The following TTC27 variants were observed in gnomAD, a reference collection of about 807,000 sequenced individuals.
TTC27 encodes tetratricopeptide repeat domain 27.
A neutral mutation model predicts 115.9 loss-of-function variants in TTC27; 79 were observed. The observed-to-expected ratio is 0.68, with a 90% CI of 0.57 to 0.82. The LOEUF (loss-of-function observed/expected upper bound fraction) is 0.82, where lower values mean the gene tolerates loss of function less well. Among genes scored for constraint, TTC27 ranks in the 40% least tolerant of loss-of-function variants. The pLI is 0.00. For missense variants in TTC27, 1,054 were observed against 993.1 expected (o/e 1.06, Z -0.82); for synonymous variants, 401 against 356.0 (o/e 1.13, Z -1.42).
chr2:32,766,085 T>A (rs1041449020), intron 13 of TTC27, among the ~76,000 whole-genome samples: 3 of 152,252 alleles, frequency 2.0e-5, no homozygotes, highest in Non-Finnish European at 4.4e-5. Flanking sequence ...TGGTTAACAG[T>A]TTGGTACAGG....
intron 18 of TTC27, among the ~76,000 whole-genome samples, chr2:32,816,334 G>C (rs774536491): frequency 6.6e-6 from 1 of 151,252 alleles, no homozygotes; most frequent in African/African-American, 2.4e-5. Flanking sequence ...AAAAAAAATT[G>C]ATTTTCTATC....
intron 9 of TTC27, among the ~76,000 whole-genome samples, chr2:32,685,469 T>C (rs1666597917): frequency 6.6e-6 from 1 of 152,206 alleles, no homozygotes; most frequent in Non-Finnish European, 1.5e-5. Flanking sequence ...TGGACTTTAA[T>C]TTCCATTGTC....
At chr2:32,684,337 G>T (rs1273800489) in intron 9 of TTC27, among the ~76,000 whole-genome samples, 1 of 151,810 alleles carries the variant, frequency 6.6e-6, no homozygotes, top group Non-Finnish European at 1.5e-5. Flanking sequence ...TTGGACATTT[G>T]GGTTGGTTCC....
intron 9 of TTC27, among the ~76,000 whole-genome samples, chr2:32,688,785 A>G (rs2151893893): frequency 6.6e-6 from 1 of 152,284 alleles, no homozygotes; most frequent in Middle Eastern, 3.4e-3. Context: ...TGCTGGTGGT[A>G]ATGCAAAATG....
intron 7 of TTC27, among the ~76,000 whole-genome samples, chr2:32,670,806 C>T (rs575702345): frequency 1.1e-3 from 165 of 151,386 alleles, no homozygotes; most frequent in African/African-American, 3.8e-3. Flanking sequence ...TTGGTAGAGA[C>T]GGGGTTTTTG....
intron 10 of TTC27, among the ~76,000 whole-genome samples, chr2:32,717,570 T>C (rs528520481): frequency 6.6e-6 from 1 of 152,286 alleles, no homozygotes; most frequent in South Asian, 2.1e-4. Flanking sequence ...TATTGCCTCA[T>C]TGTGTAACTT....
At chr2:32,656,535 G>T (rs1665327031) in intron 5 of TTC27, among the ~76,000 whole-genome samples, 1 of 152,178 alleles carries the variant, frequency 6.6e-6, no homozygotes, top group South Asian at 2.1e-4. Context: ...CTCAGCTGAT[G>T]AGGTTTACAG....
At chr2:32,699,925 C>G (rs146005514) in intron 9 of TTC27, among the ~76,000 whole-genome samples, 1 of 152,176 alleles carries the variant, frequency 6.6e-6, no homozygotes, top group Non-Finnish European at 1.5e-5. Flanking sequence ...TCTTTGTTAT[C>G]TAAGGAAGAT....
At chr2:32,751,917 A>T (rs1168901651) in intron 12 of TTC27, among the ~76,000 whole-genome samples, 1 of 152,094 alleles carries the variant, frequency 6.6e-6, no homozygotes, top group Non-Finnish European at 1.5e-5. Context: ...CAAACCTAGA[A>T]ATTTTTTTCT....
At chr2:32,689,758 T>C (rs1666752097) in intron 9 of TTC27, among the ~76,000 whole-genome samples, 1 of 152,076 alleles carries the variant, frequency 6.6e-6, no homozygotes, top group African/African-American at 2.4e-5. Context: ...AAATAACAAA[T>C]AGAAAGATAG....
intron 15 of TTC27, among the ~76,000 whole-genome samples, chr2:32,783,644 T>C (rs1237102626): frequency 6.6e-6 from 1 of 152,212 alleles, no homozygotes; most frequent in African/African-American, 2.4e-5. Context: ...TAGAGGAAAC[T>C]GCAGGCTGGG....
At chr2:32,737,218 C>T (rs111962292) in intron 12 of TTC27, among the ~76,000 whole-genome samples, 7 of 152,106 alleles carry the variant, frequency 4.6e-5, no homozygotes, top group Non-Finnish European at 7.4e-5. Flanking sequence ...AAGGGTGTGA[C>T]GACACCTCTT....
chr2:32,715,258 A>G (rs1667716273), intron 10 of TTC27, among the ~76,000 whole-genome samples: 1 of 152,110 alleles, frequency 6.6e-6, no homozygotes, highest in South Asian at 2.1e-4. Flanking sequence ...CATATGGGGT[A>G]AGAAAGGGGT....
chr2:32,648,090 T>C (rs887381092), intron 4 of TTC27, among the ~76,000 whole-genome samples: 1 of 152,080 alleles, frequency 6.6e-6, no homozygotes, highest in African/African-American at 2.4e-5. Flanking sequence ...AGGAGGATGA[T>C]ATTGGGGCTG....
intron 3 of TTC27, 57 bp downstream of exon 3, chr2:32,634,062 G>A: frequency 1.2e-5 from 18 of 1,549,082 alleles, no homozygotes; most frequent in Non-Finnish European, 1.6e-5. Flanking sequence ...TTTTTTATAA[G>A]CAGGTCTTTA....
At chr2:32,749,334 G>A (rs770310052) in intron 12 of TTC27, among the ~76,000 whole-genome samples, 11 of 152,136 alleles carry the variant, frequency 7.2e-5, no homozygotes, top group Admixed American at 5.9e-4. Context: ...AGCTTTAAAG[G>A]TGTTTCAAAC....
In TTC27 at chr2:32,682,668, CTTTTT is replaced by C. The variant is rs3077159; in HGVS notation, c.1119+3759_1119+3763del. Among the ~76,000 whole-genome samples, 93 of 127,528 alleles carry C rather than the reference CTTTTT, an allele frequency of 7.3e-4. No homozygotes were observed. In the East Asian group the frequency reaches 0.013, roughly 17 times the overall value. 83.7% of individuals were successfully genotyped at this position (127,528 alleles called of 152,430 possible). On this transcript the variant is annotated intron_variant, in intron 9 of 19. Coordinates refer to ENST00000317907, the MANE Select transcript of TTC27 (RefSeq NM_017735.5). ...ATAGAAGAGCAAATATAATAGAAGT[CTTTTT>C]TTTTTTTTTTTTGAAATGGAGTTTT...
At chr2:32,765,823 A>T (rs1414754674) in intron 13 of TTC27, among the ~76,000 whole-genome samples, 1 of 152,162 alleles carries the variant, frequency 6.6e-6, no homozygotes, top group African/African-American at 2.4e-5. Context: ...CTCATGAACC[A>T]TCTCTACTAG....
chr2:32,663,990 AT>A (rs34288912), intron 5 of TTC27, among the ~76,000 whole-genome samples: 720 of 143,734 alleles, frequency 5.0e-3, no homozygotes, highest in Middle Eastern at 7.3e-3. Flanking sequence ...TCCCCCCACT[AT>A]TTTTTTTTTT....
Sources: gnomAD v4.1 joint callset for allele counts (sites outside exome capture counted in the v4.1 genomes callset) on GRCh38, gnomAD v4.1.1 for gene constraint, MANE v1.5 for transcripts, NCBI Gene and HGNC (gene_info 2026-07-23, HGNC 2026-07-21) for gene names.